Variants in HCK observed in about 807,000 individuals in gnomAD.
HCK encodes tyrosine-protein kinase HCK.
In HCK, 40 loss-of-function variants were observed where a neutral mutation model predicts 70.4. That is an observed-to-expected ratio of 0.57 (90% CI 0.44 to 0.74). The LOEUF (loss-of-function observed/expected upper bound fraction) is 0.74, where lower values mean the gene tolerates loss of function less well. Ranked by LOEUF, HCK falls within the 30% of genes least tolerant of loss-of-function variation. The probability of loss-of-function intolerance (pLI) is 0.00; values close to 1 mark genes in which losing one functional copy is unlikely to be tolerated. For synonymous variants in HCK, 245 were observed against 263.2 expected (o/e 0.93, Z 0.67); for missense variants, 568 against 697.2 (o/e 0.81, Z 2.09).
At chr20:32,077,000 G>A (rs1741861887) in intron 5 of HCK, among the ~76,000 whole-genome samples, 1 of 152,094 alleles carries the variant, frequency 6.6e-6, no homozygotes. Context: ...CACGAGATTT[G>A]CTTGATCTGG....
chr20:32,093,261 T>C lies in HCK; in HGVS notation c.1093-602T>C, dbSNP rs556863352. 5.9e-5 allele frequency among the ~76,000 whole-genome samples: 9 copies of C among 152,278 alleles called. No individual in the cohort carries two copies. In the South Asian group the frequency reaches 1.9e-3, roughly 32 times the overall value. On this transcript the variant is annotated intron_variant, in intron 10 of 12. Coordinates refer to ENST00000375852, the MANE Select transcript of HCK (RefSeq NM_002110.5). ...TGCCCGGCCTGTTTTATCTTTTCTT[T>C]ATGGTACTTACCACCTGCAGGGGCT...
intron 5 of HCK, among the ~76,000 whole-genome samples, chr20:32,078,847 A>G (rs142951686): frequency 8.1e-6 from 1 of 123,650 alleles, no homozygotes; most frequent in Admixed American, 8.7e-5. Context: ...ACAGAGCAAG[A>G]CTCAGTCTCA....
At chr20:32,097,065 A>G (rs955239817) in intron 11 of HCK, among the ~76,000 whole-genome samples, 3 of 151,684 alleles carry the variant, frequency 2.0e-5, no homozygotes, top group African/African-American at 7.3e-5. Context: ...AGATTGCTTG[A>G]GCCCAGGAGT....
intron 4 of HCK, 38 bp from the exon 5 acceptor site, chr20:32,074,584 CT>C (rs1185262653): frequency 6.9e-7 from 1 of 1,446,858 alleles, no homozygotes; most frequent in South Asian, 1.1e-5. Flanking sequence ...GAGAATGATC[CT>C]TCTGTCCCTA....
intron 1 of HCK, among the ~76,000 whole-genome samples, chr20:32,068,389 A>T (rs1002755522): frequency 4.0e-5 from 6 of 151,468 alleles, no homozygotes; most frequent in Non-Finnish European, 7.4e-5. Flanking sequence ...AATGAAAATA[A>T]TTTTTTTTTA....
At chr20:32,069,489 T>G (rs2045506840) in intron 1 of HCK, among the ~76,000 whole-genome samples, 1 of 152,226 alleles carries the variant, frequency 6.6e-6, no homozygotes, top group Non-Finnish European at 1.5e-5. Flanking sequence ...GTGATATAAT[T>G]TTATGTCATA....
At chr20:32,054,424 C>T (rs1359655440) in intron 1 of HCK, 11 of 380,626 alleles carry the variant, frequency 2.9e-5, no homozygotes, top group Non-Finnish European at 4.7e-5. Context: ...CGCAGTGAGC[C>T]GAGATCGCGC....
intron 11 of HCK, among the ~76,000 whole-genome samples, chr20:32,094,684 C>CAAAAGAAAAG (rs1191674961): frequency 9.9e-6 from 1 of 100,930 alleles, no homozygotes; most frequent in African/African-American, 4.9e-5. Flanking sequence ...AAGATCTTGT[C>CAAAAGAAAAG]AAAAGAAAAG....
At chr20:32,084,622 T>C in intron 8 of HCK, 79 bp downstream of exon 8, 1 of 1,357,044 alleles carries the variant, frequency 7.4e-7, no homozygotes, top group Non-Finnish European at 1.0e-6. Context: ...GAACACCTTA[T>C]GGCAAAGCGG....
At chr20:32,067,254 C>T (rs2045471750) in intron 1 of HCK, among the ~76,000 whole-genome samples, 2 of 152,086 alleles carry the variant, frequency 1.3e-5, no homozygotes, top group Non-Finnish European at 2.9e-5. Flanking sequence ...ATTTTCCATC[C>T]TAATCATTTG....
chr20:32,061,209 C>A (rs940738624), intron 1 of HCK, among the ~76,000 whole-genome samples: 3 of 152,162 alleles, frequency 2.0e-5, no homozygotes, highest in Non-Finnish European at 4.4e-5. Context: ...GTCTTGAACT[C>A]CTGACCTTGT....
intron 2 of HCK, among the ~76,000 whole-genome samples, 153 bp from the exon 3 acceptor site, chr20:32,073,166 G>A (rs2045568226): frequency 6.6e-6 from 1 of 152,218 alleles, no homozygotes; most frequent in Non-Finnish European, 1.5e-5. Context: ...TGTGCCGTGT[G>A]GTGCCAGGCA....
chr20:32,094,704 GA>G (rs374983027), intron 11 of HCK, among the ~76,000 whole-genome samples: 4,337 of 46,840 alleles, frequency 0.093, 170 homozygotes, highest in African/African-American at 0.12. Flanking sequence ...GAAAAGAAAA[GA>G]AAAGAAAGAA....
chr20:32,077,746 G>A (rs1302180647), intron 5 of HCK, among the ~76,000 whole-genome samples: 1 of 152,118 alleles, frequency 6.6e-6, no homozygotes, highest in Non-Finnish European at 1.5e-5. Flanking sequence ...GGCTGGTCTC[G>A]AACTCCTGAA....
intron 1 of HCK, among the ~76,000 whole-genome samples, chr20:32,064,465 A>G (rs2045427499): frequency 6.6e-6 from 1 of 152,210 alleles, no homozygotes; most frequent in African/African-American, 2.4e-5. Context: ...GGGGGAATGG[A>G]TTCTATGCAG....
rs140968392 is a variant in HCK at position 32,078,096 on chromosome 20, G to A, written c.429-1678G>A. On this transcript the variant is annotated intron_variant, in intron 5 of 12. Coordinates refer to ENST00000375852, the MANE Select transcript of HCK (RefSeq NM_002110.5). Reference sequence around the variant, plus strand: ...GTTGCCCAGGCTGGAGTGCAGTGGCGTGATCTCGGCTCACTGCAAGCTCCA... The same window carrying A: ...GTTGCCCAGGCTGGAGTGCAGTGGCATGATCTCGGCTCACTGCAAGCTCCA... Among the ~76,000 whole-genome samples the A allele has an allele frequency of 8.1e-3, 1,227 of 151,458 alleles. 16 individuals are homozygous for A. Among genetic ancestry groups the A allele is most frequent in the African/African-American group, 0.027 (1,121 of 41,204 alleles).
At chr20:32,090,703 A>T (rs1178762791) in intron 10 of HCK, among the ~76,000 whole-genome samples, 1 of 152,200 alleles carries the variant, frequency 6.6e-6, no homozygotes, top group Non-Finnish European at 1.5e-5. Context: ...TCTGGGGGTC[A>T]TGAAATCTCA....
chr20:32,084,338 C>T, intron 7 of HCK, 53 bp from the exon 8 acceptor site: 1 of 1,556,630 alleles, frequency 6.4e-7, no homozygotes, highest in Non-Finnish European at 8.7e-7. Context: ...AAGGAGCAAC[C>T]TCTGGCTGGC....
chr20:32,066,451 A>G (rs1199746305), intron 1 of HCK, among the ~76,000 whole-genome samples: 1 of 150,960 alleles, frequency 6.6e-6, no homozygotes, highest in Admixed American at 6.6e-5. Flanking sequence ...AGCTGGGATT[A>G]CAGGTGTGCG....
Sources: gnomAD v4.1 joint callset for allele counts (sites outside exome capture counted in the v4.1 genomes callset) on GRCh38, gnomAD v4.1.1 for gene constraint, MANE v1.5 for transcripts, NCBI Gene and HGNC (gene_info 2026-07-23, HGNC 2026-07-21) for gene names.